The following MYO1H variants were observed in gnomAD, a reference collection of about 807,000 sequenced individuals.
The protein encoded by MYO1H is unconventional myosin-Ih.
MYO1H carries 118 observed loss-of-function variants against 149.3 expected under a neutral mutation model. That is an observed-to-expected ratio of 0.79 (90% CI 0.68 to 0.92). The LOEUF (loss-of-function observed/expected upper bound fraction) is 0.92, where lower values mean the gene tolerates loss of function less well. Among genes scored for constraint, MYO1H ranks in the 40% least tolerant of loss-of-function variants. The probability of loss-of-function intolerance (pLI) is 0.00; values close to 1 mark genes in which losing one functional copy is unlikely to be tolerated. For missense variants in MYO1H, 1,212 were observed against 1,280.7 expected, an observed-to-expected ratio of 0.95 and a Z score of 0.82; for synonymous variants, 447 against 465.2, an observed-to-expected ratio of 0.96 and a Z score of 0.50.
Position 109,441,625 on chromosome 12 carries a change from A to AG in MYO1H, c.2551dup (p.Val851GlyfsTer5). 6.2e-7 allele frequency: 1 copy of AG among 1,609,786 alleles called. No individual in the cohort carries two copies. The highest frequency in any genetic ancestry group is 8.5e-7 in the Non-Finnish European group (1 of 1,177,608). ...ATTGTGTATTACCAGATGCAGCAAA[A>AG]GGTAGTTACAAGTGAAATCTTCAGG... On this transcript the variant is annotated frameshift_variant, in exon 26 of 32. Transcript: ENST00000310903. LOFTEE classifies it high-confidence loss of function.
chr12:109,377,679 C>T (rs1469396368), intron 1 of MYO1H, among the ~76,000 whole-genome samples: 1 of 152,188 alleles, frequency 6.6e-6, no homozygotes, highest in East Asian at 1.9e-4. Flanking sequence ...TCATTTTCTC[C>T]TATAGCAGTC....
chr12:109,414,349 C>T (rs751653208), intron 14 of MYO1H, among the ~76,000 whole-genome samples: 3 of 151,656 alleles, frequency 2.0e-5, no homozygotes, highest in Non-Finnish European at 2.9e-5. Context: ...TGGTGGCTTA[C>T]GCCTGTAATC....
chr12:109,372,388 G>A (rs1282937803), intron 1 of MYO1H, among the ~76,000 whole-genome samples: 1 of 151,948 alleles, frequency 6.6e-6, no homozygotes, highest in Non-Finnish European at 1.5e-5. Context: ...GTTGATAAAT[G>A]TATAATTTAC....
chr12:109,437,273 T>C (rs1242981576), intron 22 of MYO1H, among the ~76,000 whole-genome samples: 5 of 152,162 alleles, frequency 3.3e-5, no homozygotes, highest in South Asian at 2.1e-4. Flanking sequence ...AATCATTCTC[T>C]TGTTTTTCTT....
the MYO1H span, among the ~76,000 whole-genome samples, chr12:109,319,132 A>G: frequency 1.3e-5 from 2 of 152,260 alleles, no homozygotes; most frequent in Non-Finnish European, 2.9e-5. Flanking sequence ...ACTCATGTTC[A>G]TAGCAGCATT....
At chr12:109,427,384 C>CT in intron 18 of MYO1H, 85 bp from the exon 19 acceptor site, 2 of 820,448 alleles carry the variant, frequency 2.4e-6, no homozygotes, top group Non-Finnish European at 4.2e-6. Context: ...GCCCACTGAA[C>CT]TTCAGCTTGC....
chr12:109,393,721 C>A (rs1869777388), intron 3 of MYO1H, among the ~76,000 whole-genome samples: 1 of 152,102 alleles, frequency 6.6e-6, no homozygotes, highest in East Asian at 1.9e-4. Context: ...CCATCTAAAT[C>A]CTTGATGCAT....
chr12:109,397,791 G>C (rs1175095469), exon 5 of MYO1H: 13 of 1,610,068 alleles, frequency 8.1e-6, no homozygotes, highest in Non-Finnish European at 1.1e-5. Flanking sequence ...GGAAATACAT[G>C]GATATACAAT....
At chr12:109,338,204 G>T in the MYO1H span, among the ~76,000 whole-genome samples, 1 of 152,136 alleles carries the variant, frequency 6.6e-6, no homozygotes, top group Non-Finnish European at 1.5e-5. Flanking sequence ...AAAGTGTTGG[G>T]AATATAAGTG....
intron 21 of MYO1H, among the ~76,000 whole-genome samples, chr12:109,435,474 C>G (rs565577391): frequency 6.6e-6 from 1 of 152,322 alleles, no homozygotes; most frequent in Admixed American, 6.5e-5. Flanking sequence ...GCTTCAAAGC[C>G]TGCAGCCTGG....
chr12:109,364,153 A>G (rs1656546227), intron 1 of MYO1H, among the ~76,000 whole-genome samples: 2 of 147,888 alleles, frequency 1.4e-5, no homozygotes, highest in African/African-American at 5.1e-5. Flanking sequence ...ACTGGGCAAC[A>G]GAGAGAGACC....
intron 2 of MYO1H, among the ~76,000 whole-genome samples, chr12:109,389,207 T>A (rs964426515): frequency 1.3e-5 from 2 of 152,170 alleles, no homozygotes; most frequent in African/African-American, 4.8e-5. Context: ...TGCCCTCAGA[T>A]CCAGGCTGTC....
chr12:109,396,598 G>A lies in MYO1H; in HGVS notation c.489+16G>A. 1 of 1,598,400 alleles carries A rather than the reference G, an allele frequency of 6.3e-7. No homozygotes were observed. Among genetic ancestry groups the A allele is most frequent in the South Asian group, 1.1e-5 (1 of 88,252 alleles). On this transcript the variant is annotated intron_variant, in intron 4 of 31. Transcript: ENST00000310903. ...AGTGCTGGAGGTAAGCGATCTCTGG[G>A]GACCAATCGAAGGGAGTTCCAGGGA...
the MYO1H span, among the ~76,000 whole-genome samples, chr12:109,314,696 T>C: frequency 2.6e-5 from 4 of 152,170 alleles, no homozygotes; most frequent in East Asian, 3.9e-4. Context: ...TCTGAGAGGC[T>C]TAAAGACAGC....
At chr12:109,428,026 C>T (rs1317903412) in intron 19 of MYO1H, among the ~76,000 whole-genome samples, 19 of 141,112 alleles carry the variant, frequency 1.3e-4, no homozygotes, top group African/African-American at 3.9e-4. Flanking sequence ...GTTGAGGCTG[C>T]GGTGAACTTG....
chr12:109,361,165 T>C (rs1272164141), intron 1 of MYO1H, among the ~76,000 whole-genome samples: 2 of 152,184 alleles, frequency 1.3e-5, no homozygotes, highest in East Asian at 3.8e-4. Context: ...TGCAATGTTT[T>C]TAAAAGGCTT....
intron 1 of MYO1H, among the ~76,000 whole-genome samples, chr12:109,368,810 T>C (rs1868922396): frequency 6.6e-6 from 1 of 151,808 alleles, no homozygotes. Context: ...CCTTTCCCCC[T>C]CTCTTCCTTC....
At chr12:109,416,009 C>G (rs903581695) in intron 15 of MYO1H, among the ~76,000 whole-genome samples, 1 of 151,800 alleles carries the variant, frequency 6.6e-6, no homozygotes, top group Non-Finnish European at 1.5e-5. Flanking sequence ...GTGGCTCAAT[C>G]TCAGCTCACT....
At position 109,419,873 on chromosome 12, in the gene MYO1H, TAA is replaced by T. The variant is rs10533849; in HGVS notation, c.1598-1092_1598-1091del. 7.2e-3 allele frequency among the ~76,000 whole-genome samples: 1,044 copies of T among 145,214 alleles called. 16 individuals carry two copies. The highest frequency in any genetic ancestry group is 0.022 in the African/African-American group (892 of 39,756). ...ACCATGCTTGGCTGCTCCCCCAACT[TAA>T]AAAAAAAAAAAAAAATCTGGTTTTG... On this transcript the variant is annotated intron_variant, in intron 15 of 31. Coordinates refer to ENST00000310903, the Ensembl canonical transcript of MYO1H.
Sources: allele counts gnomAD v4.1 joint callset (sites outside exome capture counted in the v4.1 genomes callset), GRCh38; gene constraint gnomAD v4.1.1; transcripts MANE v1.5; gene names NCBI Gene and HGNC (gene_info 2026-07-23, HGNC 2026-07-21).